CCDC191: variants seen among roughly 807,000 people sequenced by gnomAD.
CCDC191 encodes the protein coiled-coil domain-containing protein 191.
CCDC191 carries 99 observed loss-of-function variants against 114.0 expected under a neutral mutation model. The observed-to-expected ratio is 0.87, with a 90% confidence interval of 0.74 to 1.03. CCDC191 has a LOEUF of 1.03. Among genes scored for constraint, CCDC191 ranks in the 50% least tolerant of loss-of-function variants. CCDC191 has a pLI of 0.00. For missense variants in CCDC191, 973 were observed against 1,087.0 expected, an observed-to-expected ratio of 0.90 and a Z score of 1.47; for synonymous variants, 351 against 376.0, an observed-to-expected ratio of 0.93 and a Z score of 0.77.
intron 4 of CCDC191, among the ~76,000 whole-genome samples, chr3:114,039,677 A>G (rs11926319): frequency 0.1 from 15,577 of 151,718 alleles, 905 homozygotes; most frequent in East Asian, 0.15. Flanking sequence ...CTGGTTCTGT[A>G]TAGGCCTAGG....
chr3:113,965,190 A>C lies in CCDC191; in HGVS notation c.2776T>G (p.Trp926Gly). The change falls in exon 17 of 17, where the codon TGG (tryptophan) becomes GGG (glycine). Residue 926 changes from tryptophan to glycine, a missense_variant. Transcript: ENST00000295878. ...ACCAGACTTGTCTTACTCAAGGACC[A>C]AGTATCTGATTGCTGATATAGCTCG... ...YHELYQQSDT[W>G]SLSKTSLVNE 6.2e-7 allele frequency: 1 copy of C among 1,608,882 alleles called. No individual in the cohort carries two copies. The highest frequency in any genetic ancestry group is 1.7e-5 in the Admixed American group (1 of 59,062).
intron 13 of CCDC191, among the ~76,000 whole-genome samples, chr3:113,993,473 A>C (rs1292073748): frequency 6.6e-6 from 1 of 152,256 alleles, no homozygotes; most frequent in Admixed American, 6.5e-5. Flanking sequence ...TTTGGCAAAT[A>C]TATAAAAATA....
Position 114,036,777 on chromosome 3 carries a change from C to T in CCDC191, c.425G>A (p.Gly142Asp), listed in dbSNP as rs1403523529. Residue 142 changes from glycine (G) to aspartate (D), a missense_variant, in exon 5 of 17, where the codon GGC (glycine) becomes GAC (aspartate). Physicochemically the swap from Gly to Asp is moderately conservative, Grantham distance 94. Transcript: ENST00000295878. ...ACTTTCCTCTTCTTCCTCCAAATAG[C>T]CACATAAATCTGGGGGAAACAGAAC... Reference protein sequence around the residue: ...LKYDKFDDLCGYLEEEEESTT... With the variant: ...LKYDKFDDLCDYLEEEEESTT... The T allele has an allele frequency of 1.9e-6, 3 of 1,539,762 alleles. No homozygotes were observed. The highest frequency in any genetic ancestry group is 2.6e-5 in the South Asian group (2 of 76,236).
At chr3:114,032,495 A>G (rs1043729992) in intron 6 of CCDC191, among the ~76,000 whole-genome samples, 2 of 152,202 alleles carry the variant, frequency 1.3e-5, no homozygotes, top group Non-Finnish European at 2.9e-5. Flanking sequence ...ATGTATGTGT[A>G]TAAAGTATAT....
intron 8 of CCDC191, 118 bp from the exon 9 acceptor site, chr3:114,011,139 T>C: frequency 9.2e-7 from 1 of 1,092,714 alleles, no homozygotes; most frequent in Non-Finnish European, 1.3e-6. Flanking sequence ...AGCTCTCGCT[T>C]AACATTTTAT....
intron 16 of CCDC191, among the ~76,000 whole-genome samples, chr3:113,974,432 G>T (rs1474255255): frequency 6.6e-6 from 1 of 151,694 alleles, no homozygotes; most frequent in Non-Finnish European, 1.5e-5. Context: ...CCATTCTCCT[G>T]CCTCAGGCTT....
intron 13 of CCDC191, among the ~76,000 whole-genome samples, chr3:113,997,309 C>G (rs190336539): frequency 6.6e-6 from 1 of 152,104 alleles, no homozygotes; most frequent in Non-Finnish European, 1.5e-5. Context: ...TAGAGTTTCA[C>G]ATACATATAT....
chr3:114,037,669 G>A (rs1238812692), intron 4 of CCDC191, among the ~76,000 whole-genome samples: 1 of 151,948 alleles, frequency 6.6e-6, no homozygotes, highest in African/African-American at 2.4e-5. Flanking sequence ...GACCTCCCGA[G>A]AATATCAAAA....
At chr3:114,030,841 G>A (rs1026438836) in intron 7 of CCDC191, among the ~76,000 whole-genome samples, 5 of 152,056 alleles carry the variant, frequency 3.3e-5, no homozygotes, top group South Asian at 2.1e-4. Flanking sequence ...ATTCATTCAC[G>A]TATTTATTCA....
intron 13 of CCDC191, among the ~76,000 whole-genome samples, chr3:113,993,021 G>A (rs984581487): frequency 6.6e-6 from 1 of 152,136 alleles, no homozygotes; most frequent in African/African-American, 2.4e-5. Flanking sequence ...CAATAAATGT[G>A]ATACACCATA....
chr3:114,028,336 A>G (rs190686484), intron 7 of CCDC191, among the ~76,000 whole-genome samples: 44 of 131,460 alleles, frequency 3.3e-4, no homozygotes, highest in African/African-American at 1.2e-3. Context: ...CCCAGGCTGG[A>G]GTGCAGCGGC....
chr3:114,015,790 AT>A (rs1057362593), intron 8 of CCDC191, among the ~76,000 whole-genome samples: 2 of 152,366 alleles, frequency 1.3e-5, no homozygotes, highest in Admixed American at 1.3e-4. Context: ...CATTATTGCC[AT>A]AACTTCTTTT....
chr3:113,968,441 C>G (rs1266380250), intron 16 of CCDC191, among the ~76,000 whole-genome samples: 1 of 151,660 alleles, frequency 6.6e-6, no homozygotes, highest in African/African-American at 2.4e-5. Context: ...TGAGAAATGT[C>G]TATTTAGATC....
intron 8 of CCDC191, 42 bp downstream of exon 8, chr3:114,018,636 C>A: frequency 6.7e-7 from 1 of 1,489,430 alleles, no homozygotes; most frequent in South Asian, 1.3e-5. Context: ...GGGAAATATC[C>A]TAGATAAACA....
intron 13 of CCDC191, chr3:113,984,488 G>A (rs1340473816): frequency 6.6e-6 from 1 of 152,188 alleles, no homozygotes; most frequent in Non-Finnish European, 1.5e-5. Flanking sequence ...ATATAAGGAA[G>A]TAAAGAATTG....
chr3:114,046,587 T>C lies in CCDC191; in HGVS notation c.271+4A>G. ...ACATCGCAGCAGAAAATGCATTCTC[T>C]TACCTTCTGCATAGATTTCATCATG... On this transcript the variant is annotated splice_donor_region_variant and intron_variant, in intron 3 of 16. Coordinates refer to ENST00000295878, the MANE Select transcript of CCDC191 (RefSeq NM_020817.2). 1.3e-6 allele frequency: 2 copies of C among 1,536,564 alleles called. No homozygotes were observed. Among genetic ancestry groups the C allele is most frequent in the South Asian group, 1.1e-5 (1 of 89,412 alleles).
chr3:113,994,201 A>C (rs1399729846), intron 13 of CCDC191, among the ~76,000 whole-genome samples: 1 of 152,256 alleles, frequency 6.6e-6, no homozygotes, highest in Admixed American at 6.5e-5. Flanking sequence ...TTTAAAACCC[A>C]ACAATAAGTA....
intron 8 of CCDC191, 120 bp downstream of exon 8, chr3:114,018,558 C>T: frequency 1.3e-6 from 1 of 779,498 alleles, no homozygotes; most frequent in South Asian, 2.4e-5. Context: ...CTGTGATTAC[C>T]ATATTTCATA....
chr3:114,022,807 A>T lies in CCDC191; in HGVS notation c.973-3939T>A, dbSNP rs552045105. ...AGTTGAAATGAGGAAGGAGAAAAAA[A>T]ATTAATAAAAAATGGGGATCCTTTC... On this transcript the variant is annotated intron_variant, in intron 7 of 16. Coordinates refer to ENST00000295878, the MANE Select transcript of CCDC191 (RefSeq NM_020817.2). Among the ~76,000 whole-genome samples the T allele has an allele frequency of 5.2e-4, 79 of 152,264 alleles. 2 individuals carry two copies. The highest frequency in any genetic ancestry group is 5.0e-3 in the South Asian group (24 of 4,828).
Sources: gnomAD v4.1 joint callset for allele counts (sites outside exome capture counted in the v4.1 genomes callset) on GRCh38, gnomAD v4.1.1 for gene constraint, MANE v1.5 for transcripts, NCBI Gene and HGNC (gene_info 2026-07-23, HGNC 2026-07-21) for gene names.